RHBDD1: variants seen among roughly 807,000 people sequenced by gnomAD.
RHBDD1 encodes the protein rhomboid-related protein 4.
RHBDD1 carries 38 observed loss-of-function variants against 36.3 expected under a neutral mutation model. That is an observed-to-expected ratio of 1.05 (90% CI 0.81 to 1.37). The LOEUF (loss-of-function observed/expected upper bound fraction) is 1.37, where lower values mean the gene tolerates loss of function less well. Ranked by LOEUF, RHBDD1 falls within the 40% of genes most tolerant of loss-of-function variation. The probability of loss-of-function intolerance (pLI) is 0.00; values close to 1 mark genes in which losing one functional copy is unlikely to be tolerated. For missense variants in RHBDD1, 393 were observed against 377.6 expected (o/e 1.04, Z -0.34); for synonymous variants, 151 against 136.5 (o/e 1.11, Z -0.74).
chr2:226,886,432 A>C (rs1418700803), intron 5 of RHBDD1, among the ~76,000 whole-genome samples: 1 of 152,178 alleles, frequency 6.6e-6, no homozygotes, highest in Admixed American at 6.6e-5. Context: ...CTAGAAGGCA[A>C]AGTGTGGGAT....
chr2:226,973,548 T>G (rs1002761363), intron 8 of RHBDD1, among the ~76,000 whole-genome samples: 2 of 152,222 alleles, frequency 1.3e-5, no homozygotes, highest in African/African-American at 4.8e-5. Context: ...GTTCATAAAA[T>G]GATTCCTAGA....
chr2:226,837,327 A>G (rs914234672), intron 1 of RHBDD1, among the ~76,000 whole-genome samples: 1 of 152,230 alleles, frequency 6.6e-6, no homozygotes, highest in African/African-American at 2.4e-5. Context: ...CGGGGTAGAT[A>G]TGAGCTGTAG....
At position 226,905,586 on chromosome 2, in the gene RHBDD1, C is replaced by A. The variant is rs527630167; in HGVS notation, c.567-1207C>A. Among the ~76,000 whole-genome samples the A allele has an allele frequency of 1.1e-4, 17 of 152,294 alleles. No individual in the cohort carries two copies. In the South Asian group the frequency reaches 3.5e-3, roughly 32 times the overall value. Reference sequence around the variant, plus strand: ...TGGATTTCAGAGGATGGCAATGACACCACTTGCCTTCTGCCTCAGGAGGAT... The same window carrying A: ...TGGATTTCAGAGGATGGCAATGACAACACTTGCCTTCTGCCTCAGGAGGAT... On this transcript the variant is annotated intron_variant, in intron 5 of 8. Coordinates refer to ENST00000392062, the MANE Select transcript of RHBDD1 (RefSeq NM_001167608.3).
chr2:226,807,246 A>G, the RHBDD1 span, among the ~76,000 whole-genome samples: 1 of 152,208 alleles, frequency 6.6e-6, no homozygotes, highest in East Asian at 1.9e-4. Flanking sequence ...TAAGTTAGAG[A>G]TTATAAATGT....
intron 3 of RHBDD1, among the ~76,000 whole-genome samples, chr2:226,852,901 TTTATTATTA>T (rs34006366): frequency 2.0e-3 from 245 of 125,194 alleles, no homozygotes; most frequent in African/African-American, 4.4e-3. Context: ...ACCTGGCTAA[TTTATTATTA>T]TTATTATTAT....
chr2:226,908,651 T>A (rs80240539), intron 6 of RHBDD1, 171 bp from the exon 7 acceptor site: 5 of 553,444 alleles, frequency 9.0e-6, no homozygotes, highest in Admixed American at 6.1e-5. Context: ...ACACACACAC[T>A]CTTTTCCAGT....
intron 3 of RHBDD1, among the ~76,000 whole-genome samples, chr2:226,861,717 TTTCTGTGTGTGTGTGTGGGCACAC>T (rs1943870240): frequency 6.6e-6 from 1 of 152,244 alleles, no homozygotes; most frequent in African/African-American, 2.4e-5. Context: ...AACATAAATA[TTTCTGTGTGTGTGTGTGGGCACAC>T]GTGTGCACAC....
At chr2:226,855,786 A>G (rs772148999) in intron 3 of RHBDD1, among the ~76,000 whole-genome samples, 1 of 152,240 alleles carries the variant, frequency 6.6e-6, no homozygotes, top group Non-Finnish European at 1.5e-5. Flanking sequence ...AGAGTGTCAC[A>G]GTAGTCATAA....
chr2:226,897,960 C>T (rs1947252254), intron 5 of RHBDD1, among the ~76,000 whole-genome samples: 2 of 151,968 alleles, frequency 1.3e-5, no homozygotes, highest in African/African-American at 4.8e-5. Flanking sequence ...GCCTAGGCAA[C>T]AAGAGCAAAA....
At chr2:226,940,659 A>G (rs773456834) in intron 8 of RHBDD1, among the ~76,000 whole-genome samples, 13 of 152,224 alleles carry the variant, frequency 8.5e-5, no homozygotes, top group Non-Finnish European at 1.8e-4. Flanking sequence ...ATGGAGAGTG[A>G]GATAGGCAGT....
chr2:226,874,596 C>T (rs1945060171), intron 5 of RHBDD1, among the ~76,000 whole-genome samples: 1 of 152,120 alleles, frequency 6.6e-6, no homozygotes, highest in Non-Finnish European at 1.5e-5. Flanking sequence ...TGGCCTTCTC[C>T]TTTTTCTATC....
chr2:226,925,767 A>C (rs985337369), intron 8 of RHBDD1, among the ~76,000 whole-genome samples: 1 of 152,204 alleles, frequency 6.6e-6, no homozygotes, highest in Non-Finnish European at 1.5e-5. Context: ...CATTCATTCA[A>C]AATAAAATTC....
intron 8 of RHBDD1, among the ~76,000 whole-genome samples, chr2:226,959,433 C>T (rs1952020506): frequency 1.3e-5 from 2 of 152,304 alleles, no homozygotes; most frequent in South Asian, 2.1e-4. Context: ...ACCCTTATCC[C>T]CTACCAGCCA....
chr2:226,821,328 G>T, the RHBDD1 span, among the ~76,000 whole-genome samples: 1 of 151,890 alleles, frequency 6.6e-6, no homozygotes, highest in South Asian at 2.1e-4. Flanking sequence ...TTGTTTGTTT[G>T]TTTGTTTTTT....
intron 3 of RHBDD1, among the ~76,000 whole-genome samples, chr2:226,843,076 C>T (rs1273643380): frequency 2.6e-5 from 4 of 151,838 alleles, no homozygotes; most frequent in Non-Finnish European, 5.9e-5. Flanking sequence ...TTCTGCTTGC[C>T]GGTGTTGGTG....
At chr2:226,805,423 G>A in the RHBDD1 span, among the ~76,000 whole-genome samples, 3 of 152,176 alleles carry the variant, frequency 2.0e-5, no homozygotes, top group African/African-American at 7.2e-5. Context: ...ATGTTGGCCA[G>A]GCTAGTCTTG....
chr2:226,844,817 A>C (rs544845041), intron 3 of RHBDD1, among the ~76,000 whole-genome samples: 5 of 152,298 alleles, frequency 3.3e-5, no homozygotes, highest in African/African-American at 1.2e-4. Context: ...TTGATACTGG[A>C]AATCATAAAT....
At chr2:226,851,599 T>G (rs941195907) in intron 3 of RHBDD1, among the ~76,000 whole-genome samples, 3 of 152,112 alleles carry the variant, frequency 2.0e-5, no homozygotes, top group African/African-American at 7.2e-5. Flanking sequence ...CCAAATTGCC[T>G]GGGGATCCCC....
intron 8 of RHBDD1, among the ~76,000 whole-genome samples, chr2:226,981,102 T>C (rs775940320): frequency 9.2e-5 from 14 of 152,040 alleles, no homozygotes; most frequent in Non-Finnish European, 1.9e-4. Context: ...TCACTCTGAG[T>C]AAACTATCAC....
Sources: allele counts gnomAD v4.1 joint callset (sites outside exome capture counted in the v4.1 genomes callset), GRCh38; gene constraint gnomAD v4.1.1; transcripts MANE v1.5; gene names NCBI Gene and HGNC (gene_info 2026-07-23, HGNC 2026-07-21).